The following CD44 variants were observed in gnomAD, a reference collection of about 807,000 sequenced individuals.
CD44 encodes the protein CD44 molecule (IN blood group).
A neutral mutation model predicts 88.8 loss-of-function variants in CD44; 49 were observed. The observed-to-expected ratio is 0.55, with a 90% CI of 0.44 to 0.70. CD44 has a LOEUF of 0.70. CD44 is among the 30% of genes least tolerant of loss of function. CD44 has a pLI of 0.00. For synonymous variants in CD44, 325 were observed against 312.3 expected (o/e 1.04, Z -0.43); for missense variants, 883 against 913.8 (o/e 0.97, Z 0.43).
intron 9 of CD44, 57 bp from the exon 10 acceptor site, chr11:35,204,455 C>T: frequency 6.4e-7 from 1 of 1,568,884 alleles, no homozygotes; most frequent in Non-Finnish European, 8.7e-7. Flanking sequence ...GATATGTTGA[C>T]AGCTATTGGT....
At chr11:35,159,754 C>T (rs958837143) in intron 1 of CD44, among the ~76,000 whole-genome samples, 13 of 152,176 alleles carry the variant, frequency 8.5e-5, no homozygotes, top group Admixed American at 2.0e-4. Context: ...ATAAAGCGGA[C>T]GTAACCTGCC....
intron 4 of CD44, among the ~76,000 whole-genome samples, chr11:35,189,099 T>C (rs1946011219): frequency 6.6e-6 from 1 of 152,210 alleles, no homozygotes; most frequent in Non-Finnish European, 1.5e-5. Context: ...GGAGGAATAA[T>C]GAATGAATGC....
At chr11:35,139,691 G>T (rs1857516678) in intron 1 of CD44, 1 of 590,380 alleles carries the variant, frequency 1.7e-6, no homozygotes, top group African/African-American at 1.8e-5. Flanking sequence ...GCGCACAGTC[G>T]TTGTCTGGAC....
chr11:35,143,974 G>A (rs187668865), intron 1 of CD44, among the ~76,000 whole-genome samples: 104 of 152,360 alleles, frequency 6.8e-4, no homozygotes, highest in African/African-American at 2.5e-3. Context: ...CATTTCACAT[G>A]CACAGACCCA....
At chr11:35,155,815 A>G (rs1481927970) in intron 1 of CD44, among the ~76,000 whole-genome samples, 1 of 152,180 alleles carries the variant, frequency 6.6e-6, no homozygotes, top group African/African-American at 2.4e-5. Context: ...GATGACCCTC[A>G]AGGGAAATGG....
intron 1 of CD44, among the ~76,000 whole-genome samples, chr11:35,152,188 G>A (rs1860440879): frequency 6.6e-6 from 1 of 152,156 alleles, no homozygotes; most frequent in Non-Finnish European, 1.5e-5. Context: ...TCCATGAGCT[G>A]GCCTCACTAA....
At chr11:35,226,216 A>T (rs1485647312) in intron 17 of CD44, among the ~76,000 whole-genome samples, 8 of 152,340 alleles carry the variant, frequency 5.3e-5, no homozygotes, top group Middle Eastern at 3.4e-3. Context: ...CCTATAGGTC[A>T]AATGTTATCC....
At chr11:35,139,406 T>TGC in intron 1 of CD44, 36 bp downstream of exon 1, 2 of 1,543,312 alleles carry the variant, frequency 1.3e-6, no homozygotes, top group Non-Finnish European at 8.8e-7. Context: ...GCAAGATGGG[T>TGC]GCGGGGTGCT....
In CD44 at chr11:35,219,242, T is replaced by A. The variant is rs12577824; in HGVS notation, c.1874-74T>A. On this transcript the variant is annotated intron_variant, in intron 15 of 17. Coordinates refer to ENST00000428726, the MANE Select transcript of CD44 (RefSeq NM_000610.4). ...TGATTCAGAATGTGGAGAGCTGCCC[T>A]TTATGCAGCTCCACAAGGAACTCAT... 23,261 of 1,102,048 alleles carry A rather than the reference T, an allele frequency of 0.021. 2,209 individuals carry two copies. The East Asian group carries it at 0.22, about 10-fold the overall frequency. The allele number at this position is 1,102,048 out of a possible 1,614,324, so 68.3% of individuals were successfully genotyped here.
At chr11:35,209,050 A>C (rs1239877098) in intron 12 of CD44, among the ~76,000 whole-genome samples, 2 of 152,224 alleles carry the variant, frequency 1.3e-5, no homozygotes, top group African/African-American at 4.8e-5. Flanking sequence ...AGAAGGACTT[A>C]TATTTCCGTT....
chr11:35,229,134 G>C lies in CD44; in HGVS notation c.2030G>C (p.Gly677Ala). The C allele has an allele frequency of 6.8e-6, 11 of 1,613,380 alleles. No homozygotes were observed. The highest frequency in any genetic ancestry group is 9.3e-6 in the Non-Finnish European group (11 of 1,179,540). Residue 677 changes from glycine to alanine, a missense_variant, in exon 18 of 18, where the codon GGG becomes GCG. By Grantham distance (60) the Gly-to-Ala change is moderately conservative. This residue lies in a region of CD44 where 631 missense variants were observed against 590.9 expected (regional missense o/e 1.07). Coordinates refer to ENST00000428726, the MANE Select transcript of CD44 (RefSeq NM_000610.4). ...TACATTTTTTAAATTATTAGGTGTGGGCAGAAGAAAAAGCTAGTGATCAAC... is the reference window on the plus strand; with the variant it reads ...TACATTTTTTAAATTATTAGGTGTGCGCAGAAGAAAAAGCTAGTGATCAAC... ...CIAVNSRRRC[G>A]QKKKLVINSG...
At chr11:35,159,998 C>T (rs1325752134) in intron 1 of CD44, among the ~76,000 whole-genome samples, 1 of 152,172 alleles carries the variant, frequency 6.6e-6, no homozygotes, top group Non-Finnish European at 1.5e-5. Context: ...GAGGCATCTT[C>T]AGGAAAGGAG....
At chr11:35,195,721 T>TA (rs1946675926) in intron 5 of CD44, among the ~76,000 whole-genome samples, 1 of 152,090 alleles carries the variant, frequency 6.6e-6, no homozygotes, top group Non-Finnish European at 1.5e-5. Flanking sequence ...AATGGCAGTC[T>TA]TTGGAGATTT....
chr11:35,175,100 C>A (rs1014951497), intron 1 of CD44, among the ~76,000 whole-genome samples: 2 of 152,264 alleles, frequency 1.3e-5, no homozygotes, highest in Non-Finnish European at 2.9e-5. Flanking sequence ...ACCTATGTGA[C>A]CATTTGAGGA....
intron 17 of CD44, among the ~76,000 whole-genome samples, chr11:35,225,742 A>G (rs993858223): frequency 3.9e-5 from 6 of 152,140 alleles, no homozygotes; most frequent in African/African-American, 1.4e-4. Context: ...TCTTGAACCC[A>G]GGAGGCAGAG....
At chr11:35,168,975 G>T (rs1943589960) in intron 1 of CD44, among the ~76,000 whole-genome samples, 1 of 152,152 alleles carries the variant, frequency 6.6e-6, no homozygotes, top group African/African-American at 2.4e-5. Context: ...TTTGCTTTCG[G>T]GGAAAACAGC....
chr11:35,161,833 G>A (rs1057140473), intron 1 of CD44, among the ~76,000 whole-genome samples: 17 of 152,132 alleles, frequency 1.1e-4, no homozygotes, highest in African/African-American at 2.4e-4. Flanking sequence ...TGTGTGCTGG[G>A]GGGGAAGAGG....
chr11:35,202,274 AG>A (rs1947389831), intron 9 of CD44, among the ~76,000 whole-genome samples: 2 of 152,170 alleles, frequency 1.3e-5, no homozygotes, highest in Admixed American at 1.3e-4. Context: ...CAAAGTTGGT[AG>A]CTCTTATGGT....
At chr11:35,218,518 G>A (rs1313248811) in intron 15 of CD44, among the ~76,000 whole-genome samples, 2 of 152,008 alleles carry the variant, frequency 1.3e-5, no homozygotes, top group African/African-American at 2.4e-5. Flanking sequence ...TAGTAGAGAC[G>A]GGGTTTCACC....
Sources: gnomAD v4.1 joint callset for allele counts (sites outside exome capture counted in the v4.1 genomes callset) on GRCh38, gnomAD v4.1.1 for gene constraint, gnomAD v4.1.1 regional missense constraint, MANE v1.5 for transcripts, NCBI Gene and HGNC (gene_info 2026-07-23, HGNC 2026-07-21) for gene names.